Variants in KTN1 observed in about 807,000 individuals in gnomAD.
KTN1 encodes kinectin.
A neutral mutation model predicts 222.5 loss-of-function variants in KTN1; 130 were observed. The observed-to-expected ratio is 0.58, with a 90% CI of 0.51 to 0.68. The LOEUF (loss-of-function observed/expected upper bound fraction) is 0.68. Ranked by LOEUF, KTN1 falls within the 30% of genes least tolerant of loss-of-function variation. The pLI is 0.00. For missense variants in KTN1, 1,508 were observed against 1,500.4 expected (o/e 1.01, Z -0.08); for synonymous variants, 512 against 496.3 (o/e 1.03, Z -0.42).
At chr14:55,609,153 G>A (rs1239222275) in intron 1 of KTN1, among the ~76,000 whole-genome samples, 2 of 151,918 alleles carry the variant, frequency 1.3e-5, no homozygotes, top group East Asian at 3.9e-4. Context: ...CCTCCTCTCA[G>A]CCCCCACCCG....
intron 43 of KTN1, 43 bp downstream of exon 43, chr14:55,679,728 T>C (rs768076547): frequency 1.5e-5 from 24 of 1,585,222 alleles, no homozygotes; most frequent in Non-Finnish European, 8.7e-7. Flanking sequence ...TAATTGATGT[T>C]ATGTGTCTGT....
chr14:55,581,386 T>C (rs1373800283), intron 1 of KTN1, among the ~76,000 whole-genome samples: 1 of 152,228 alleles, frequency 6.6e-6, no homozygotes, highest in Non-Finnish European at 1.5e-5. Flanking sequence ...ACGGATTCCT[T>C]AGCCGCTATT....
chr14:55,639,443 A>G (rs1407614883), intron 13 of KTN1, among the ~76,000 whole-genome samples: 1 of 110,096 alleles, frequency 9.1e-6, no homozygotes, highest in Non-Finnish European at 1.9e-5. Flanking sequence ...TTATGTTTTT[A>G]TTATAACAAG....
At chr14:55,640,481 T>C in intron 15 of KTN1, 39 bp downstream of exon 15, 1 of 1,373,442 alleles carries the variant, frequency 7.3e-7, no homozygotes, top group South Asian at 1.2e-5. Context: ...TCTCAGAATT[T>C]CAATTTGCGT....
intron 32 of KTN1, chr14:55,662,860 T>G: frequency 2.2e-6 from 1 of 456,054 alleles, no homozygotes. Flanking sequence ...GCCGATATAC[T>G]GCTAACATCT....
In KTN1 at chr14:55,629,944, G is replaced by A; in HGVS notation, c.1081-13G>A. 4 of 1,545,056 alleles carry A rather than the reference G, an allele frequency of 2.6e-6. No homozygotes were observed. ...AAATAACAAGTTTTTAAATTTCTGG[G>A]ATATTCTTTTAGGAAATGATGACAG... On this transcript the variant is annotated splice_polypyrimidine_tract_variant and intron_variant, in intron 6 of 43. Coordinates refer to ENST00000395314, the MANE Select transcript of KTN1 (RefSeq NM_001079521.2).
At chr14:55,623,913 T>G (rs1393672641) in intron 5 of KTN1, among the ~76,000 whole-genome samples, 1 of 152,076 alleles carries the variant, frequency 6.6e-6, no homozygotes, top group African/African-American at 2.4e-5. Context: ...GGGGCAAGAG[T>G]AATCATTTTA....
intron 10 of KTN1, 39 bp downstream of exon 10, chr14:55,636,575 T>G: frequency 2.0e-6 from 3 of 1,503,340 alleles, no homozygotes; most frequent in Non-Finnish European, 2.7e-6. Flanking sequence ...TTGTATATAA[T>G]TTTGGGTAAA....
At chr14:55,683,231 G>A (rs555120822) in intron 43 of KTN1, 14 of 152,248 alleles carry the variant, frequency 9.2e-5, no homozygotes, top group African/African-American at 3.1e-4. Context: ...TTAATAGCCA[G>A]TGATAACTTT....
At chr14:55,580,943 G>C (rs2031370388) in intron 1 of KTN1, among the ~76,000 whole-genome samples, 2 of 152,232 alleles carry the variant, frequency 1.3e-5, no homozygotes, top group African/African-American at 4.8e-5. Context: ...GAGTCCCCAG[G>C]TCAGGGCGGG....
At chr14:55,681,602 C>T (rs1279048967) in intron 43 of KTN1, 1 of 152,174 alleles carries the variant, frequency 6.6e-6, no homozygotes, top group African/African-American at 2.4e-5. Context: ...TGTATACCCT[C>T]ACAACGCAGT....
Position 55,627,955 on chromosome 14 carries a change from A to G in KTN1, c.1007A>G (p.Glu336Gly), listed in dbSNP as rs746260099. ...ELTTLIHQLQ[E>G]KDKLLAAVKE... ...ACTACGCTTATACATCAGCTTCAAGAAAAGGACAAGTTACTCGCTGCTGTG... is the reference window on the plus strand; with the variant it reads ...ACTACGCTTATACATCAGCTTCAAGGAAAGGACAAGTTACTCGCTGCTGTG... The change falls in exon 6 of 44, where the codon GAA becomes GGA. Residue 336 changes from glutamate to glycine, a missense_variant. Glu to Gly is a moderately conservative substitution (Grantham distance 98, BLOSUM62 -2). Coordinates refer to ENST00000395314, the MANE Select transcript of KTN1 (RefSeq NM_001079521.2). The G allele has an allele frequency of 1.2e-6, 2 of 1,613,882 alleles. No homozygotes were observed. Among genetic ancestry groups the G allele is most frequent in the East Asian group, 4.5e-5 (2 of 44,866 alleles).
intron 40 of KTN1, 33 bp from the exon 41 acceptor site, chr14:55,675,802 T>C: frequency 7.2e-7 from 1 of 1,381,340 alleles, no homozygotes; most frequent in Non-Finnish European, 1.0e-6. Flanking sequence ...TGATGCAAAT[T>C]AAGTTAATTG....
At position 55,633,330 on chromosome 14, in the gene KTN1, A is replaced by C; in HGVS notation, c.1317A>C (p.Gln439His). ...ATGCAGTCAGCAACACTACAAATCAACTGGAAAGCAAGTATGTTTCCAAAT... is the reference window on the plus strand; with the variant it reads ...ATGCAGTCAGCAACACTACAAATCACCTGGAAAGCAAGTATGTTTCCAAAT... ...LRDAVSNTTN[Q>H]LESKQSAELN... Residue 439 changes from glutamine to histidine, a missense_variant, in exon 8 of 44, where the codon CAA becomes CAC. Transcript: ENST00000395314. The C allele has an allele frequency of 1.9e-6, 3 of 1,555,874 alleles. No homozygotes were observed. Among genetic ancestry groups the C allele is most frequent in the Non-Finnish European group, 2.6e-6 (3 of 1,148,226 alleles).
At chr14:55,625,851 T>A (rs12896177) in intron 5 of KTN1, among the ~76,000 whole-genome samples, 1 of 152,306 alleles carries the variant, frequency 6.6e-6, no homozygotes, top group Middle Eastern at 3.4e-3. Context: ...CCAGCCTGCA[T>A]TTTGCACCCT....
chr14:55,652,156 A>G (rs992740439), intron 25 of KTN1, among the ~76,000 whole-genome samples: 8 of 152,150 alleles, frequency 5.3e-5, no homozygotes, highest in African/African-American at 1.4e-4. Flanking sequence ...TCTGAATATA[A>G]CCTCAAATTG....
chr14:55,627,536 G>A (rs1025379570), intron 5 of KTN1, among the ~76,000 whole-genome samples: 10 of 151,892 alleles, frequency 6.6e-5, no homozygotes, highest in Non-Finnish European at 8.8e-5. Context: ...TACACATGCC[G>A]TGGTGGTTTG....
At chr14:55,582,307 A>T (rs1368336667) in intron 1 of KTN1, among the ~76,000 whole-genome samples, 3 of 152,158 alleles carry the variant, frequency 2.0e-5, no homozygotes, top group Admixed American at 2.0e-4. Flanking sequence ...GCCTCACTTC[A>T]GTCTCCCTTC....
intron 7 of KTN1, among the ~76,000 whole-genome samples, chr14:55,632,427 T>C (rs2040634627): frequency 6.6e-6 from 1 of 152,202 alleles, no homozygotes. Flanking sequence ...AAAAACATGT[T>C]CTTATGAGAA....
Sources: allele counts gnomAD v4.1 joint callset (sites outside exome capture counted in the v4.1 genomes callset), GRCh38; gene constraint gnomAD v4.1.1; transcripts MANE v1.5; gene names NCBI Gene and HGNC (gene_info 2026-07-23, HGNC 2026-07-21).